ICE1: variants seen among roughly 807,000 people sequenced by gnomAD.
The protein encoded by ICE1 is little elongation complex subunit 1.
Under a neutral mutation model 192.7 loss-of-function variants are expected in ICE1, and 64 were observed. That is an observed-to-expected ratio of 0.33 (90% CI 0.27 to 0.41). The LOEUF is 0.41. ICE1 is among the 10% of genes least tolerant of loss of function. The probability of loss-of-function intolerance (pLI) is 1.00; values close to 1 mark genes in which losing one functional copy is unlikely to be tolerated. For missense variants in ICE1, 2,708 were observed against 2,696.0 expected, an observed-to-expected ratio of 1.00 and a Z score of -0.10; for synonymous variants, 1,010 against 984.5, an observed-to-expected ratio of 1.03 and a Z score of -0.49.
intron 3 of ICE1, among the ~76,000 whole-genome samples, chr5:5,438,581 T>C (rs1056393620): frequency 7.9e-5 from 12 of 152,222 alleles, no homozygotes; most frequent in African/African-American, 2.7e-4. Context: ...TCACAACTTT[T>C]AGAAGGCTAA....
rs1214180376 is a variant in ICE1, at chr5:5,463,155, C to G, written c.3821C>G (p.Ser1274Cys). 3 of 1,612,356 alleles carry G rather than the reference C, an allele frequency of 1.9e-6. No homozygotes were observed. Among genetic ancestry groups the G allele is most frequent in the South Asian group, 1.1e-5 (1 of 90,624 alleles). Residue 1274 changes from serine to cysteine, a missense_variant, in exon 13 of 19, where the codon TCT becomes TGT. Around this residue, in one of 2 missense-constraint regions of ICE1, gnomAD observed 2,366 missense variants for 2,276.6 expected, o/e 1.04. Coordinates refer to ENST00000296564, the MANE Select transcript of ICE1 (RefSeq NM_015325.3). ...ATTAGGCAAGAACTTCAAACAAATTCTGAAGATTGCAATGGTAAAGATACT... is the reference window on the plus strand; with the variant it reads ...ATTAGGCAAGAACTTCAAACAAATTGTGAAGATTGCAATGGTAAAGATACT... The part of the protein sequence containing the change: ...TKIRQELQTN[S>C]EDCNGKDTGS...
Position 5,464,493 on chromosome 5 carries a change from C to A in ICE1, c.5159C>A (p.Thr1720Lys). ...VPSPLQFCAATPKHALPVPGR... is the reference protein window; with the variant it reads ...VPSPLQFCAAKPKHALPVPGR... The stretch of plus-strand genomic sequence containing the variant: ...TCTCCTCTGCAGTTCTGTGCGGCCA[C>A]GCCGAAGCACGCACTTCCTGTGCCT... The change falls in exon 13 of 19, where the codon ACG becomes AAG. Residue 1720 changes from threonine (T) to lysine (K), a missense_variant. By Grantham distance (78) the Thr-to-Lys change is moderately conservative. Around this residue, in one of 2 missense-constraint regions of ICE1, gnomAD observed 2,366 missense variants for 2,276.6 expected, o/e 1.04. Coordinates refer to ENST00000296564, the MANE Select transcript of ICE1 (RefSeq NM_015325.3). This position sits in a 1 kb window ranked among gnomAD's most constrained non-coding sequence, Gnocchi z 4.0. The A allele has an allele frequency of 4.3e-6, 7 of 1,613,938 alleles. No individual in the cohort carries two copies. Among genetic ancestry groups the A allele is most frequent in the Non-Finnish European group, 5.9e-6 (7 of 1,179,872 alleles).
At chr5:5,423,275 C>T (rs1737385941) in intron 1 of ICE1, among the ~76,000 whole-genome samples, 1 of 152,120 alleles carries the variant, frequency 6.6e-6, no homozygotes, top group South Asian at 2.1e-4. Flanking sequence ...TGGAGGGCCC[C>T]CCACCTTCCC....
chr5:5,477,403 T>A (rs1272814453), intron 17 of ICE1, among the ~76,000 whole-genome samples: 1 of 152,116 alleles, frequency 6.6e-6, no homozygotes, highest in Non-Finnish European at 1.5e-5. Context: ...ATGGATAAAT[T>A]CCTGGACACA....
At chr5:5,478,738 C>G (rs1463856321) in intron 17 of ICE1, among the ~76,000 whole-genome samples, 2 of 152,024 alleles carry the variant, frequency 1.3e-5, no homozygotes, top group African/African-American at 4.8e-5. Context: ...ATACTGATAC[C>G]AAAACAGACA....
At position 5,457,325 on chromosome 5, in the gene ICE1, C is replaced by A. The variant is rs1180715954; in HGVS notation, c.692-7C>A. 1.3e-6 allele frequency: 2 copies of A among 1,583,450 alleles called. No homozygotes were observed. Among genetic ancestry groups the A allele is most frequent in the Non-Finnish European group, 1.7e-6 (2 of 1,166,202 alleles). On this transcript the variant is annotated splice_region_variant and splice_polypyrimidine_tract_variant and intron_variant, in intron 11 of 18. Coordinates refer to ENST00000296564, the MANE Select transcript of ICE1 (RefSeq NM_015325.3). ...TACCTGATACCTACTTTTGTTCCCC[C>A]ACATAGAAAAACCTGCCAAAGCAAT...
rs749536713 is a variant in ICE1 at position 5,462,715 on chromosome 5, T to G, written c.3381T>G (p.Asp1127Glu). The G allele has an allele frequency of 6.2e-7, 1 of 1,613,866 alleles. No individual in the cohort carries two copies. The highest frequency in any genetic ancestry group is 1.1e-5 in the South Asian group (1 of 91,072). ...GGAGCGAACAGCAAGATGCTCCTGA[T>G]GACTCACAGAAAAATTTAGGAGACA... ...SEGSEQQDAP[D>E]DSQKNLGDTD... Residue 1127 changes from aspartate (D) to glutamate (E), a missense_variant, in exon 13 of 19, where the codon GAT becomes GAG. Asp to Glu is a conservative substitution (Grantham distance 45). Transcript: ENST00000296564.
chr5:5,461,175 A>G lies in ICE1; in HGVS notation c.1841A>G (p.Asp614Gly). The G allele has an allele frequency of 6.2e-7, 1 of 1,613,970 alleles. No individual in the cohort carries two copies. Among genetic ancestry groups the G allele is most frequent in the Non-Finnish European group, 8.5e-7 (1 of 1,179,878 alleles). ...GAATCACCTGAATCAGAAGATGATG[A>G]CTCAGGTGATGGAATGGATGTAGCA... is the stretch of plus-strand genomic sequence containing the variant. ...LGESPESEDD[D>G]SGDGMDVAGL... The change falls in exon 13 of 19, where the codon GAC becomes GGC. Residue 614 changes from aspartate to glycine, a missense_variant. Asp to Gly is a moderately conservative substitution (Grantham distance 94, BLOSUM62 -1). Around this residue, in one of 2 missense-constraint regions of ICE1, gnomAD observed 2,366 missense variants for 2,276.6 expected, o/e 1.04. Transcript: ENST00000296564.
intron 1 of ICE1, among the ~76,000 whole-genome samples, chr5:5,433,908 G>A (rs1199757372): frequency 6.6e-6 from 1 of 151,672 alleles, no homozygotes; most frequent in Non-Finnish European, 1.5e-5. Flanking sequence ...TGCAAAAATG[G>A]TATAGGCATA....
intron 10 of ICE1, among the ~76,000 whole-genome samples, chr5:5,452,074 GA>G (rs1209708290): frequency 1.3e-5 from 2 of 150,368 alleles, no homozygotes; most frequent in South Asian, 4.2e-4. Flanking sequence ...TGAGGTAATG[GA>G]AAAAAAATTT....
In ICE1 at chr5:5,460,394, T is replaced by C. The variant is rs1467065958; in HGVS notation, c.1102-42T>C. ...CATTTAATTGATAGTCATGTTAATC[T>C]GTTGAATTAGTGTTTGACAAGTGTA... is the stretch of plus-strand genomic sequence containing the variant. On this transcript the variant is annotated intron_variant, in intron 12 of 18. Coordinates refer to ENST00000296564, the MANE Select transcript of ICE1 (RefSeq NM_015325.3). 7 of 1,140,832 alleles carry C rather than the reference T, an allele frequency of 6.1e-6. No individual in the cohort carries two copies. In the African/African-American group the frequency reaches 6.3e-5, roughly 10 times the overall value. The allele number at this position is 1,140,832 out of a possible 1,614,324, so 70.7% of individuals were successfully genotyped here.
chr5:5,452,852 T>G (rs1272467132), intron 10 of ICE1, among the ~76,000 whole-genome samples: 3 of 152,188 alleles, frequency 2.0e-5, no homozygotes, highest in Non-Finnish European at 4.4e-5. Context: ...CCTTAAATAT[T>G]CATACATGCC....
chr5:5,439,803 C>A (rs1273859934), intron 3 of ICE1, 92 bp from the exon 4 acceptor site: 4 of 828,302 alleles, frequency 4.8e-6, no homozygotes, highest in Admixed American at 3.1e-5. Flanking sequence ...ATATGTTGAA[C>A]ACAAATTATT....
intron 11 of ICE1, 59 bp from the exon 12 acceptor site, chr5:5,457,273 T>C: frequency 2.8e-6 from 4 of 1,425,662 alleles, no homozygotes; most frequent in Non-Finnish European, 3.7e-6. Context: ...TTTCTTTTTT[T>C]TTTTTAAGTT....
intron 7 of ICE1, among the ~76,000 whole-genome samples, chr5:5,446,607 G>A (rs1307148654): frequency 6.6e-6 from 1 of 152,188 alleles, no homozygotes; most frequent in East Asian, 1.9e-4. Context: ...AATCTGAAGT[G>A]CCAGTGAGAC....
At chr5:5,474,549 T>A (rs1285100840) in intron 16 of ICE1, among the ~76,000 whole-genome samples, 1 of 152,242 alleles carries the variant, frequency 6.6e-6, no homozygotes, top group African/African-American at 2.4e-5. Context: ...AAAATTAAGC[T>A]CTCTGACATT....
In ICE1 at chr5:5,464,044, T is replaced by C; in HGVS notation, c.4710T>C (p.Thr1570=). ...ATCAGTCAAACAAACCAGTAAAAAC[T>C]TCAGCGTCGAGCAGAGTTGAAACTC... The part of the protein sequence containing the change: ...NKDQSNKPVK[T]SASSRVETHQ... Residue 1570 remains threonine (T), a synonymous_variant, in exon 13 of 19, where the codon ACT becomes ACC. Transcript: ENST00000296564. This position sits in a 1 kb window ranked among gnomAD's most constrained non-coding sequence, Gnocchi z 4.0. 2 of 1,613,646 alleles carry C rather than the reference T, an allele frequency of 1.2e-6. No individual in the cohort carries two copies.
intron 17 of ICE1, among the ~76,000 whole-genome samples, chr5:5,478,700 A>T (rs1176884027): frequency 6.6e-6 from 1 of 152,348 alleles, no homozygotes; most frequent in East Asian, 1.9e-4. Context: ...AAACTATACT[A>T]AAAGGCTATA....
At chr5:5,426,255 G>A (rs1216364073) in intron 1 of ICE1, among the ~76,000 whole-genome samples, 1 of 152,180 alleles carries the variant, frequency 6.6e-6, no homozygotes, top group African/African-American at 2.4e-5. Context: ...GAACAGCTTG[G>A]CCAAGATGGT....
Sources: gnomAD v4.1 joint callset for allele counts (sites outside exome capture counted in the v4.1 genomes callset) on GRCh38, gnomAD v4.1.1 for gene constraint, gnomAD v4.1.1 regional missense constraint, Gnocchi (gnomAD v3.1) non-coding constraint, MANE v1.5 for transcripts, NCBI Gene and HGNC (gene_info 2026-07-23, HGNC 2026-07-21) for gene names.